The following CHSY3 variants were observed in gnomAD, a reference collection of about 807,000 sequenced individuals.
The protein encoded by CHSY3 is N-acetylgalactosaminyl-proteoglycan 3-beta-glucuronosyltransferase 3.
In CHSY3, 35 loss-of-function variants were observed where a neutral mutation model predicts 67.2. That is an observed-to-expected ratio of 0.52 (90% CI 0.40 to 0.69). The LOEUF is 0.69. Ranked by LOEUF, CHSY3 falls within the 30% of genes least tolerant of loss-of-function variation. The pLI, the probability that CHSY3 is intolerant of heterozygous loss-of-function variation, is 0.00. For missense variants in CHSY3, 1,069 were observed against 1,138.5 expected, an observed-to-expected ratio of 0.94 and a Z score of 0.88; for synonymous variants, 474 against 434.7, an observed-to-expected ratio of 1.09 and a Z score of -1.12.
At chr5:130,174,565 C>A (rs1201150988) in intron 2 of CHSY3, among the ~76,000 whole-genome samples, 1 of 152,032 alleles carries the variant, frequency 6.6e-6, no homozygotes, top group Non-Finnish European at 1.5e-5. Context: ...TAATCAAGAG[C>A]ATTTTCATGT....
In CHSY3 at chr5:130,185,547, G is replaced by A; in HGVS notation, c.2405G>A (p.Gly802Asp). ...GGTGGATTTGATACCTCAATACAAG[G>A]CTGGGGACTAGAAGATGTAGATCTC... is the stretch of plus-strand genomic sequence containing the variant. ...GAGGFDTSIQ[G>D]WGLEDVDLYN... Residue 802 changes from glycine to aspartate, a missense_variant, in exon 3 of 3, where the codon GGC (glycine) becomes GAC (aspartate). Gly to Asp is a moderately conservative substitution (Grantham distance 94). Coordinates refer to ENST00000305031, the MANE Select transcript of CHSY3 (RefSeq NM_175856.5). 2 of 1,614,104 alleles carry A rather than the reference G, an allele frequency of 1.2e-6. No homozygotes were observed. Among genetic ancestry groups the A allele is most frequent in the Non-Finnish European group, 1.7e-6 (2 of 1,179,986 alleles).
At chr5:130,085,360 T>A (rs1205815500) in intron 2 of CHSY3, among the ~76,000 whole-genome samples, 4 of 151,982 alleles carry the variant, frequency 2.6e-5, no homozygotes, top group African/African-American at 9.7e-5. Context: ...ATGATTAGAC[T>A]CAGTGTCAGA....
intron 2 of CHSY3, among the ~76,000 whole-genome samples, chr5:130,044,773 G>A (rs1765097322): frequency 6.6e-6 from 1 of 152,084 alleles, no homozygotes; most frequent in Non-Finnish European, 1.5e-5. Context: ...AGTAACGTAA[G>A]AAAAGCTTAC....
intron 2 of CHSY3, among the ~76,000 whole-genome samples, chr5:129,952,520 T>C (rs767580442): frequency 6.6e-6 from 1 of 152,250 alleles, no homozygotes; most frequent in Non-Finnish European, 1.5e-5. Context: ...TTTCACCTTA[T>C]GTTTTAAAAT....
At chr5:129,905,782 G>A (rs763388704) in intron 1 of CHSY3, 151 bp downstream of exon 1, 657 of 1,355,220 alleles carry the variant, frequency 4.8e-4, no homozygotes, top group Non-Finnish European at 5.9e-4. Context: ...CCCACCCCTT[G>A]CATCCGCCCA....
At chr5:130,022,136 A>C (rs929313855) in intron 2 of CHSY3, among the ~76,000 whole-genome samples, 9 of 152,112 alleles carry the variant, frequency 5.9e-5, no homozygotes, top group Non-Finnish European at 8.8e-5. Context: ...TTACAGTATT[A>C]ATGTAGAAAA....
At chr5:130,047,632 A>G (rs1561512244) in intron 2 of CHSY3, among the ~76,000 whole-genome samples, 2 of 152,186 alleles carry the variant, frequency 1.3e-5, no homozygotes, top group South Asian at 2.1e-4. Flanking sequence ...CAAATAATAC[A>G]TATTTCTTAT....
chr5:130,148,095 G>A (rs921038735), intron 2 of CHSY3, among the ~76,000 whole-genome samples: 2 of 151,804 alleles, frequency 1.3e-5, no homozygotes, highest in African/African-American at 2.4e-5. Flanking sequence ...TCTTCTATAC[G>A]TACGTACATG....
chr5:130,097,143 T>C (rs1316207707), intron 2 of CHSY3, among the ~76,000 whole-genome samples: 1 of 152,212 alleles, frequency 6.6e-6, no homozygotes, highest in East Asian at 1.9e-4. Flanking sequence ...TGTTAGATAG[T>C]ATGTAAATTA....
chr5:130,101,943 G>A (rs558615078), intron 2 of CHSY3, among the ~76,000 whole-genome samples: 1 of 152,078 alleles, frequency 6.6e-6, no homozygotes, highest in South Asian at 2.1e-4. Context: ...TTATTTCCAA[G>A]CATTGTTGTA....
chr5:130,161,126 G>A (rs1351379190), intron 2 of CHSY3, among the ~76,000 whole-genome samples: 2 of 151,786 alleles, frequency 1.3e-5, no homozygotes, highest in African/African-American at 2.4e-5. Flanking sequence ...GGATGGTCTC[G>A]ATCTCCTGAC....
At chr5:129,996,968 A>G (rs1361307787) in intron 2 of CHSY3, among the ~76,000 whole-genome samples, 3 of 152,142 alleles carry the variant, frequency 2.0e-5, no homozygotes, top group Admixed American at 6.6e-5. Flanking sequence ...TTTTGAACCA[A>G]TGAATGAATC....
intron 2 of CHSY3, among the ~76,000 whole-genome samples, chr5:130,072,417 G>C (rs1321834187): frequency 6.6e-6 from 1 of 152,086 alleles, no homozygotes; most frequent in East Asian, 1.9e-4. Context: ...TGAGGAGACT[G>C]TCCTTTCCCC....
At chr5:129,956,995 T>C (rs1381870849) in intron 2 of CHSY3, among the ~76,000 whole-genome samples, 2 of 152,262 alleles carry the variant, frequency 1.3e-5, no homozygotes, top group Admixed American at 6.5e-5. Context: ...TTTCTAGTTA[T>C]GTGAGGAATG....
At chr5:130,027,980 T>C (rs1764597864) in intron 2 of CHSY3, among the ~76,000 whole-genome samples, 1 of 152,182 alleles carries the variant, frequency 6.6e-6, no homozygotes, top group South Asian at 2.1e-4. Flanking sequence ...CCTTTGGGTA[T>C]ATACCCAGTA....
rs180819911 is a variant in CHSY3 at position 130,064,249 on chromosome 5, C to G, written c.1087-119980C>G. Among the ~76,000 whole-genome samples the G allele has an allele frequency of 2.5e-3, 378 of 152,200 alleles. 2 individuals are homozygous for G. The highest frequency in any genetic ancestry group is 0.014 in the Middle Eastern group (4 of 294). ...TTAGTGATTATTTTAGGTACATACT[C>G]TATATCCAAAATGCACCAGATGTTT... On this transcript the variant is annotated intron_variant, in intron 2 of 2. Coordinates refer to ENST00000305031, the MANE Select transcript of CHSY3 (RefSeq NM_175856.5).
chr5:129,940,251 AC>A (rs1005276211), intron 2 of CHSY3, among the ~76,000 whole-genome samples: 18 of 152,266 alleles, frequency 1.2e-4, no homozygotes, highest in African/African-American at 2.6e-4. Context: ...TTAAAAAAAA[AC>A]AACTGAATTC....
At chr5:129,981,503 T>G (rs1762984567) in intron 2 of CHSY3, among the ~76,000 whole-genome samples, 2 of 151,892 alleles carry the variant, frequency 1.3e-5, no homozygotes, top group South Asian at 4.2e-4. Flanking sequence ...TCTACATACT[T>G]TTTATTTTTT....
At chr5:129,942,970 A>G (rs971308008) in intron 2 of CHSY3, among the ~76,000 whole-genome samples, 1 of 152,160 alleles carries the variant, frequency 6.6e-6, no homozygotes, top group Non-Finnish European at 1.5e-5. Context: ...TTGCATTCGT[A>G]TGGGTCTGAA....
Sources: allele counts gnomAD v4.1 joint callset (sites outside exome capture counted in the v4.1 genomes callset), GRCh38; gene constraint gnomAD v4.1.1; transcripts MANE v1.5; gene names NCBI Gene and HGNC (gene_info 2026-07-23, HGNC 2026-07-21).